Variants in ANGEL1 observed in about 807,000 individuals in gnomAD.
ANGEL1 encodes the protein RNA 2',3'-cyclic phosphatase ANGEL1.
A neutral mutation model predicts 76.4 loss-of-function variants in ANGEL1; 62 were observed. That is an observed-to-expected ratio of 0.81 (90% CI 0.66 to 1.00). The LOEUF (loss-of-function observed/expected upper bound fraction) is 1.00. ANGEL1 is among the 50% of genes least tolerant of loss of function. ANGEL1 has a pLI of 0.00. For synonymous variants in ANGEL1, 340 were observed against 331.7 expected (o/e 1.03, Z -0.27); for missense variants, 737 against 836.7 (o/e 0.88, Z 1.47).
chr14:76,802,536 A>ATC (rs1894796642), intron 7 of ANGEL1, among the ~76,000 whole-genome samples: 1 of 152,170 alleles, frequency 6.6e-6, no homozygotes, highest in Non-Finnish European at 1.5e-5. Flanking sequence ...CTCTACAAGT[A>ATC]TCTCATCTAC....
rs1895018369 is a variant in ANGEL1 at position 76,809,428 on chromosome 14, G to C, written c.280C>G (p.Leu94Val). ...KGLAQSSLAL[L>V]MDNPGEENAA... is the part of the protein sequence containing the mutation. ...TTCTCTTCTCCAGGATTATCCATCA[G>C]AAGTGCCAGGCTGCTCTGGGCTAGT... Residue 94 changes from leucine (L) to valine (V), a missense_variant, in exon 2 of 10, where the codon CTG becomes GTG. Leu to Val is a conservative substitution (Grantham distance 32). Coordinates refer to ENST00000251089, the MANE Select transcript of ANGEL1 (RefSeq NM_015305.4). The C allele has an allele frequency of 1.9e-6, 3 of 1,614,260 alleles. No individual in the cohort carries two copies. In the South Asian group the frequency reaches 3.3e-5, roughly 18 times the overall value.
Position 76,806,492 on chromosome 14 carries a change from T to G in ANGEL1, c.1304A>C (p.Asn435Thr), listed in dbSNP as rs1894921269. 1.2e-6 allele frequency: 2 copies of G among 1,614,056 alleles called. No homozygotes were observed. The highest frequency in any genetic ancestry group is 1.7e-6 in the Non-Finnish European group (2 of 1,179,992). ...GTAGAGAGGTGAATCAGGGACAGAA[T>G]TTAGGTCCCCGCACAAGATGATGGG... is the stretch of plus-strand genomic sequence containing the variant. Reference protein sequence around the residue: ...HCPIILCGDLNSVPDSPLYNF... With the variant: ...HCPIILCGDLTSVPDSPLYNF... The change falls in exon 5 of 10, where the codon AAT (asparagine) becomes ACT (threonine). Residue 435 changes from asparagine to threonine, a missense_variant. Transcript: ENST00000251089.
chr14:76,806,928 A>T, intron 4 of ANGEL1, 79 bp from the exon 5 acceptor site: 1 of 1,444,738 alleles, frequency 6.9e-7, no homozygotes. Context: ...CAGCAGTCCC[A>T]GTGTATGCCC....
chr14:76,803,954 GA>G (rs1205397139), intron 5 of ANGEL1, 42 bp from the exon 6 acceptor site: 2 of 1,614,034 alleles, frequency 1.2e-6, no homozygotes, highest in Admixed American at 1.7e-5. Flanking sequence ...AACCAAGATA[GA>G]AAAAGGAAGT....
At chr14:76,810,771 A>G (rs1895060556) in intron 1 of ANGEL1, among the ~76,000 whole-genome samples, 1 of 152,266 alleles carries the variant, frequency 6.6e-6, no homozygotes, top group Admixed American at 6.5e-5. Flanking sequence ...AATGACAGCC[A>G]ACAGGCAAGA....
chr14:76,800,444 A>G (rs936968757), intron 7 of ANGEL1, among the ~76,000 whole-genome samples: 1 of 152,230 alleles, frequency 6.6e-6, no homozygotes, highest in African/African-American at 2.4e-5. Flanking sequence ...GGCCACTGAC[A>G]TATTTGTTGC....
chr14:76,803,317 A>G, intron 7 of ANGEL1, 54 bp downstream of exon 7: 4 of 1,409,812 alleles, frequency 2.8e-6, no homozygotes, highest in Non-Finnish European at 4.0e-6. Context: ...TAACTGACCA[A>G]TATCAGGAAT....
In ANGEL1 at chr14:76,803,805, G is replaced by A. The variant is rs1367571895; in HGVS notation, c.1488C>T (p.Ser496=). The stretch of plus-strand genomic sequence containing the variant: ...GCTCACCTGATCTCTTGGGGTGACA[G>A]GAGGTGACATACTGACAGCAATCAG... The part of the protein sequence containing the change: ...GITDCCQYVT[S]CHPKRSERRK... Residue 496 remains serine (S), a synonymous_variant, in exon 6 of 10, where the codon TCC becomes TCT. Coordinates refer to ENST00000251089, the MANE Select transcript of ANGEL1 (RefSeq NM_015305.4). The A allele has an allele frequency of 6.2e-7, 1 of 1,613,528 alleles. No homozygotes were observed. The highest frequency in any genetic ancestry group is 1.1e-5 in the South Asian group (1 of 91,034).
chr14:76,808,654 C>T (rs1894993988), intron 2 of ANGEL1, among the ~76,000 whole-genome samples: 1 of 152,138 alleles, frequency 6.6e-6, no homozygotes, highest in Non-Finnish European at 1.5e-5. Context: ...TTAACGGACT[C>T]TCAATATACA....
intron 7 of ANGEL1, among the ~76,000 whole-genome samples, chr14:76,798,160 T>C (rs969185599): frequency 4.0e-5 from 6 of 151,568 alleles, no homozygotes; most frequent in African/African-American, 1.5e-4. Flanking sequence ...ACAGGGTCTC[T>C]GTTGCCCAGG....
intron 8 of ANGEL1, 63 bp downstream of exon 8, chr14:76,791,234 A>C: frequency 6.4e-7 from 1 of 1,560,628 alleles, no homozygotes; most frequent in Non-Finnish European, 8.8e-7. Flanking sequence ...AACCAATGGG[A>C]ATCTCTCTCT....
At chr14:76,803,278 T>G in intron 7 of ANGEL1, 93 bp downstream of exon 7, 2 of 1,029,910 alleles carry the variant, frequency 1.9e-6, no homozygotes, top group East Asian at 2.5e-5. Context: ...TCTCTAAGAA[T>G]TATACTTAGA....
intron 1 of ANGEL1, chr14:76,812,321 C>T (rs903363855): frequency 1.0e-6 from 1 of 1,004,050 alleles, no homozygotes; most frequent in Non-Finnish European, 1.2e-6. Flanking sequence ...AAGATCGGTG[C>T]GTCCAGTACT....
intron 7 of ANGEL1, among the ~76,000 whole-genome samples, chr14:76,797,974 AT>A (rs1894633365): frequency 6.6e-6 from 1 of 152,170 alleles, no homozygotes; most frequent in Non-Finnish European, 1.5e-5. Context: ...TTGGGAGGTG[AT>A]TAGGTCACAA....
intron 7 of ANGEL1, among the ~76,000 whole-genome samples, chr14:76,791,776 T>G (rs1894412754): frequency 6.6e-6 from 1 of 152,234 alleles, no homozygotes; most frequent in African/African-American, 2.4e-5. Flanking sequence ...CTTCAAAGAC[T>G]TTCTATTACA....
chr14:76,798,116 T>C (rs1894638177), intron 7 of ANGEL1, among the ~76,000 whole-genome samples: 1 of 139,918 alleles, frequency 7.1e-6, no homozygotes, highest in Non-Finnish European at 1.5e-5. Context: ...AGACACTAAA[T>C]TTGCCAGTGC....
At chr14:76,803,511 A>G in intron 6 of ANGEL1, 30 bp from the exon 7 acceptor site, 2 of 1,609,164 alleles carry the variant, frequency 1.2e-6, no homozygotes, top group East Asian at 2.2e-5. Context: ...ATATAGTGAA[A>G]GAAAGACGAT....
At position 76,789,031 on chromosome 14, in the gene ANGEL1, G is replaced by C. The variant is rs904659900; in HGVS notation, c.*197C>G. On this transcript the variant is annotated 3_prime_UTR_variant, in exon 10 of 10. Transcript: ENST00000251089. ...GTGGCACAGGATTAGGAAGAGGCTG[G>C]GGTGGGGCAAGGACCACAGGCAGAG... The C allele has an allele frequency of 4.5e-6, 3 of 670,272 alleles. No homozygotes were observed. Among genetic ancestry groups the C allele is most frequent in the Non-Finnish European group, 7.5e-6 (3 of 401,854 alleles). The allele number at this position is 670,272 out of a possible 1,614,324, so 41.5% of individuals were successfully genotyped here.
intron 1 of ANGEL1, chr14:76,810,307 G>A: frequency 4.6e-6 from 2 of 431,258 alleles, no homozygotes; most frequent in East Asian, 1.5e-4. Context: ...CATGGTCCTA[G>A]CTACTTGGGA....
Sources: allele counts gnomAD v4.1 joint callset (sites outside exome capture counted in the v4.1 genomes callset), GRCh38; gene constraint gnomAD v4.1.1; transcripts MANE v1.5; gene names NCBI Gene and HGNC (gene_info 2026-07-23, HGNC 2026-07-21).